Variants in GRID1 observed in about 807,000 individuals in gnomAD.
The protein encoded by GRID1 is glutamate ionotropic receptor delta type subunit 1.
In GRID1, 28 loss-of-function variants were observed where a neutral mutation model predicts 98.0. The observed-to-expected ratio is 0.29, with a 90% CI of 0.21 to 0.39. GRID1 has a LOEUF of 0.39. GRID1 is among the 10% of genes least tolerant of loss of function. GRID1 has a pLI of 1.00. For missense variants in GRID1, 1,111 were observed against 1,340.5 expected (o/e 0.83, Z 2.67); for synonymous variants, 553 against 538.5 (o/e 1.03, Z -0.37).
intron 3 of GRID1, among the ~76,000 whole-genome samples, chr10:86,185,816 A>G (rs1047516916): frequency 1.3e-5 from 2 of 152,172 alleles, no homozygotes; most frequent in African/African-American, 4.8e-5. Context: ...GCTTGCTCAC[A>G]ATGAAGTATT....
intron 4 of GRID1, among the ~76,000 whole-genome samples, chr10:85,984,174 T>G (rs1468555433): frequency 1.3e-5 from 2 of 152,118 alleles, no homozygotes; most frequent in Non-Finnish European, 2.9e-5. Context: ...CATCCCTGCC[T>G]GCTCATCTCC....
chr10:86,265,398 A>G (rs971742718), intron 2 of GRID1, among the ~76,000 whole-genome samples: 3 of 152,264 alleles, frequency 2.0e-5, no homozygotes, highest in Non-Finnish European at 4.4e-5. Flanking sequence ...CACTGTGCCA[A>G]GTGCTTTAAA....
intron 4 of GRID1, among the ~76,000 whole-genome samples, chr10:85,954,247 G>A (rs1044052859): frequency 6.6e-6 from 1 of 152,138 alleles, no homozygotes; most frequent in Non-Finnish European, 1.5e-5. Flanking sequence ...TGGCAATAGA[G>A]GATGTTCAAT....
At chr10:86,123,993 C>T (rs756168093) in intron 4 of GRID1, among the ~76,000 whole-genome samples, 4 of 152,210 alleles carry the variant, frequency 2.6e-5, no homozygotes, top group African/African-American at 9.6e-5. Context: ...AGGCAGGGAG[C>T]TACCCATCCA....
At chr10:86,280,588 C>T (rs1847342461) in intron 2 of GRID1, among the ~76,000 whole-genome samples, 1 of 149,450 alleles carries the variant, frequency 6.7e-6, no homozygotes, top group Non-Finnish European at 1.5e-5. Context: ...GAGTGGCTTC[C>T]ACCTCTCCTC....
chr10:85,728,842 C>T lies in GRID1; in HGVS notation c.1335+671G>A, dbSNP rs553783342. ...AACAGAGAATGCAGAAATACTGTTGCCAAAGGTTTCTAAGCCAAGGGAATG... is the reference window on the plus strand; with the variant it reads ...AACAGAGAATGCAGAAATACTGTTGTCAAAGGTTTCTAAGCCAAGGGAATG... On this transcript the variant is annotated intron_variant, in intron 9 of 15. Coordinates refer to ENST00000327946, the MANE Select transcript of GRID1 (RefSeq NM_017551.3). 1.2e-4 allele frequency among the ~76,000 whole-genome samples: 19 copies of T among 152,238 alleles called. No individual in the cohort carries two copies. In the South Asian group the frequency reaches 2.9e-3, roughly 23 times the overall value.
chr10:86,336,401 G>C (rs1409275939), intron 2 of GRID1, among the ~76,000 whole-genome samples: 1 of 152,168 alleles, frequency 6.6e-6, no homozygotes, highest in African/African-American at 2.4e-5. Flanking sequence ...GGCTGGGAGT[G>C]GGGGCCTCTA....
chr10:86,339,326 G>A (rs1273265007), intron 2 of GRID1, among the ~76,000 whole-genome samples: 1 of 152,226 alleles, frequency 6.6e-6, no homozygotes, highest in South Asian at 2.1e-4. Context: ...GCTGGCAGAG[G>A]CCAGGCCAGG....
At chr10:85,733,373 C>T (rs1185319541) in intron 8 of GRID1, among the ~76,000 whole-genome samples, 1 of 152,134 alleles carries the variant, frequency 6.6e-6, no homozygotes, top group Admixed American at 6.5e-5. Flanking sequence ...AACCTTGCCT[C>T]GAATTCCAGG....
chr10:86,198,856 T>C (rs1011748485), intron 3 of GRID1, among the ~76,000 whole-genome samples: 1 of 152,112 alleles, frequency 6.6e-6, no homozygotes, highest in African/African-American at 2.4e-5. Context: ...TTCCTACCAC[T>C]CTTGGTCCCC....
chr10:86,035,333 T>C (rs896422791), intron 4 of GRID1, among the ~76,000 whole-genome samples: 6 of 152,216 alleles, frequency 3.9e-5, no homozygotes, highest in Non-Finnish European at 7.4e-5. Flanking sequence ...TTTGACTCAA[T>C]ATCCTGAAGG....
At chr10:85,987,210 C>G (rs936536046) in intron 4 of GRID1, among the ~76,000 whole-genome samples, 4 of 152,048 alleles carry the variant, frequency 2.6e-5, no homozygotes, top group African/African-American at 9.7e-5. Context: ...GTCACGGTCC[C>G]CACCTTGAAC....
chr10:85,768,114 A>G (rs545251514), intron 8 of GRID1, among the ~76,000 whole-genome samples: 2 of 152,362 alleles, frequency 1.3e-5, no homozygotes, highest in East Asian at 3.9e-4. Flanking sequence ...AATCGATTAA[A>G]AGGAAATGAA....
intron 8 of GRID1, among the ~76,000 whole-genome samples, chr10:85,816,953 C>G (rs1451153783): frequency 6.6e-6 from 1 of 152,162 alleles, no homozygotes; most frequent in Non-Finnish European, 1.5e-5. Context: ...TGAGAACATG[C>G]AGCATTTGAT....
intron 3 of GRID1, among the ~76,000 whole-genome samples, chr10:86,164,041 C>A (rs1436720892): frequency 6.6e-6 from 1 of 152,178 alleles, no homozygotes; most frequent in African/African-American, 2.4e-5. Context: ...AGTCCTAGGA[C>A]CCCAGGTGGG....
chr10:85,877,990 C>T (rs1309237210), intron 5 of GRID1, among the ~76,000 whole-genome samples: 14 of 151,954 alleles, frequency 9.2e-5, no homozygotes, highest in East Asian at 7.7e-4. Context: ...CCTCAGGAGC[C>T]GATGCAATCG....
intron 3 of GRID1, among the ~76,000 whole-genome samples, chr10:86,176,788 T>A (rs575253859): frequency 1.1e-4 from 17 of 152,170 alleles, no homozygotes; most frequent in African/African-American, 4.1e-4. Flanking sequence ...TGTGCCAGTC[T>A]AGGTAAGAAA....
intron 2 of GRID1, among the ~76,000 whole-genome samples, chr10:86,276,501 G>T (rs1157569626): frequency 2.0e-5 from 3 of 149,802 alleles, no homozygotes; most frequent in East Asian, 3.9e-4. Context: ...TACTCAATAC[G>T]ACTTTTTTTT....
At chr10:86,118,042 T>C (rs917447778) in intron 4 of GRID1, among the ~76,000 whole-genome samples, 4 of 152,118 alleles carry the variant, frequency 2.6e-5, no homozygotes, top group African/African-American at 9.7e-5. Flanking sequence ...TTCAAAAATA[T>C]GGAACCAGCC....
Sources: gnomAD v4.1 joint callset for allele counts (sites outside exome capture counted in the v4.1 genomes callset) on GRCh38, gnomAD v4.1.1 for gene constraint, MANE v1.5 for transcripts, NCBI Gene and HGNC (gene_info 2026-07-23, HGNC 2026-07-21) for gene names.